PDE11A: variants seen among roughly 807,000 people sequenced by gnomAD.
PDE11A encodes dual 3',5'-cyclic-AMP and -GMP phosphodiesterase 11A.
In PDE11A, 100 loss-of-function variants were observed where a neutral mutation model predicts 100.5. The observed-to-expected ratio is 1.00, with a 90% CI of 0.85 to 1.18. The LOEUF (loss-of-function observed/expected upper bound fraction) is 1.18, where lower values mean the gene tolerates loss of function less well. Among genes scored for constraint, PDE11A ranks in the 50% most tolerant of loss-of-function variants. The pLI is 0.00. For missense variants in PDE11A, 1,141 were observed against 1,152.6 expected, an observed-to-expected ratio of 0.99 and a Z score of 0.15; for synonymous variants, 381 against 420.8, an observed-to-expected ratio of 0.91 and a Z score of 1.16.
At chr2:177,855,016 G>C (rs1435594966) in intron 5 of PDE11A, among the ~76,000 whole-genome samples, 2 of 152,104 alleles carry the variant, frequency 1.3e-5, no homozygotes, top group Admixed American at 1.3e-4. Context: ...GGTCGTGGTA[G>C]TGATGGTGCT....
At chr2:177,737,222 A>G (rs2081798767) in intron 10 of PDE11A, among the ~76,000 whole-genome samples, 1 of 151,062 alleles carries the variant, frequency 6.6e-6, no homozygotes, top group Admixed American at 6.6e-5. Context: ...CCCAGGCAAC[A>G]AGAGTGAAAC....
chr2:177,815,505 C>A (rs10169917), intron 9 of PDE11A, among the ~76,000 whole-genome samples: 61,755 of 151,950 alleles, frequency 0.41, 14,395 homozygotes, highest in African/African-American at 0.64. Flanking sequence ...CGAAGCAGGG[C>A]TGTCTCAGAA....
At chr2:177,641,775 G>T (rs2080147608) in intron 19 of PDE11A, among the ~76,000 whole-genome samples, 1 of 152,096 alleles carries the variant, frequency 6.6e-6, no homozygotes, top group Non-Finnish European at 1.5e-5. Flanking sequence ...TCACATTAAA[G>T]ATACCAGCCT....
intron 5 of PDE11A, among the ~76,000 whole-genome samples, chr2:177,871,372 G>A (rs2084127824): frequency 6.6e-6 from 1 of 151,942 alleles, no homozygotes; most frequent in African/African-American, 2.4e-5. Context: ...GTAGTGCTGG[G>A]GAGCTGTGGC....
intron 2 of PDE11A, among the ~76,000 whole-genome samples, chr2:177,961,875 A>C (rs13002398): frequency 0.063 from 9,544 of 151,972 alleles, 311 homozygotes; most frequent in South Asian, 0.094. Context: ...AGCCTGGCCA[A>C]ATGATGAGAC....
In PDE11A at chr2:177,671,594, T is replaced by A. The variant is rs552937685; in HGVS notation, c.2488-2027A>T. Among the ~76,000 whole-genome samples the A allele has an allele frequency of 8.6e-5, 13 of 151,836 alleles. No individual in the cohort carries two copies. In the East Asian group the frequency reaches 1.2e-3, roughly 14 times the overall value. ...GAAGTGAGCATTAAAAAAAAAAAAA[T>A]TTAACCCATCAATTTGGAGACAAAC... On this transcript the variant is annotated intron_variant, in intron 17 of 19. Transcript: ENST00000286063.
chr2:177,804,413 A>G (rs148167475), intron 9 of PDE11A, among the ~76,000 whole-genome samples: 402 of 152,204 alleles, frequency 2.6e-3, no homozygotes, highest in African/African-American at 8.9e-3. Context: ...AGCTATTATT[A>G]AAAAGTCAAA....
At position 177,629,364 on chromosome 2, in the gene PDE11A, C is replaced by G. The variant is rs375769807; in HGVS notation, c.*43G>C. The G allele has an allele frequency of 1.3e-6, 2 of 1,586,840 alleles. No homozygotes were observed. The highest frequency in any genetic ancestry group is 1.7e-6 in the Non-Finnish European group (2 of 1,156,284). ...TGACATTGCTGGACTGAAAATGGCC[C>G]TTCAGGCTGTAGTCATTTTGCAGCT... On this transcript the variant is annotated 3_prime_UTR_variant, in exon 20 of 20. Coordinates refer to ENST00000286063, the MANE Select transcript of PDE11A (RefSeq NM_016953.4).
intron 2 of PDE11A, among the ~76,000 whole-genome samples, chr2:178,086,099 C>T (rs892212818): frequency 2.0e-5 from 3 of 152,200 alleles, no homozygotes; most frequent in Admixed American, 2.0e-4. Flanking sequence ...TCCCCATCTC[C>T]TGGCTGAATC....
At chr2:178,031,221 A>T (rs1226791981) in intron 1 of PDE11A, among the ~76,000 whole-genome samples, 2 of 152,220 alleles carry the variant, frequency 1.3e-5, no homozygotes, top group Admixed American at 6.5e-5. Context: ...AAAAACCCAC[A>T]GAAACCTCAT....
At chr2:177,751,685 GA>G (rs1277536392) in intron 10 of PDE11A, among the ~76,000 whole-genome samples, 4 of 152,048 alleles carry the variant, frequency 2.6e-5, no homozygotes, top group Non-Finnish European at 5.9e-5. Flanking sequence ...CTTTAAATAA[GA>G]AACAAAAATT....
At chr2:178,003,873 T>A (rs2086173717) in intron 2 of PDE11A, among the ~76,000 whole-genome samples, 5 of 149,186 alleles carry the variant, frequency 3.4e-5, no homozygotes, top group African/African-American at 1.3e-4. Context: ...CTAACAGCTA[T>A]TCTAAGACAC....
At chr2:177,676,116 C>A (rs1574033217) in intron 16 of PDE11A, 2 of 172,820 alleles carry the variant, frequency 1.2e-5, no homozygotes, top group East Asian at 2.9e-4. Flanking sequence ...ATACTCAGCT[C>A]CAGCTCTCAT....
intron 9 of PDE11A, among the ~76,000 whole-genome samples, chr2:177,797,710 C>T (rs73977770): frequency 0.02 from 3,068 of 152,190 alleles, 98 homozygotes; most frequent in African/African-American, 0.07. Context: ...TCTCAAAGTA[C>T]GTTCCTTAGA....
chr2:178,074,736 CTGGGAAGGA>C (rs2087186059), upstream of PDE11A, among the ~76,000 whole-genome samples: 1 of 152,142 alleles, frequency 6.6e-6, no homozygotes, highest in Non-Finnish European at 1.5e-5. Flanking sequence ...GAGAAGAATA[CTGGGAAGGA>C]TGGGGAAAGC....
intron 19 of PDE11A, among the ~76,000 whole-genome samples, chr2:177,635,945 T>C (rs1285896802): frequency 1.3e-5 from 2 of 151,922 alleles, no homozygotes; most frequent in African/African-American, 4.8e-5. Context: ...ACATTGTTTA[T>C]ATTTGGCCAT....
intron 9 of PDE11A, among the ~76,000 whole-genome samples, chr2:177,806,005 G>T (rs913281906): frequency 5.9e-5 from 9 of 152,162 alleles, no homozygotes; most frequent in African/African-American, 2.2e-4. Context: ...GTTACATAGT[G>T]GAGAGATGAG....
At chr2:177,657,304 T>C (rs943360215) in intron 19 of PDE11A, among the ~76,000 whole-genome samples, 1 of 152,210 alleles carries the variant, frequency 6.6e-6, no homozygotes, top group African/African-American at 2.4e-5. Flanking sequence ...GCATTTTCCA[T>C]TCTGTTTGAA....
chr2:178,052,171 C>T (rs1033058851), intron 1 of PDE11A, among the ~76,000 whole-genome samples: 70 of 152,336 alleles, frequency 4.6e-4, no homozygotes, highest in African/African-American at 1.5e-3. Context: ...GTCTCTCAGA[C>T]CACAGTGCAA....
Sources: gnomAD v4.1 joint callset for allele counts (sites outside exome capture counted in the v4.1 genomes callset) on GRCh38, gnomAD v4.1.1 for gene constraint, MANE v1.5 for transcripts, NCBI Gene and HGNC (gene_info 2026-07-23, HGNC 2026-07-21) for gene names.